Variants in CHRNA1 observed in about 807,000 individuals in gnomAD.
The protein encoded by CHRNA1 is acetylcholine receptor subunit alpha.
A neutral mutation model predicts 47.1 loss-of-function variants in CHRNA1; 35 were observed. The ratio of observed to expected loss-of-function variants is 0.74; its 90% CI spans 0.57 to 0.99. The LOEUF (loss-of-function observed/expected upper bound fraction) is 0.99. Ranked by LOEUF, CHRNA1 falls within the 50% of genes least tolerant of loss-of-function variation. The probability of loss-of-function intolerance (pLI) is 0.00; values close to 1 mark genes in which losing one functional copy is unlikely to be tolerated. For missense variants in CHRNA1, 506 were observed against 591.1 expected (o/e 0.86, Z 1.49); for synonymous variants, 229 against 223.6 (o/e 1.02, Z -0.22).
chr2:174,763,968 A>T (rs906019959), intron 1 of CHRNA1, among the ~76,000 whole-genome samples: 5 of 152,126 alleles, frequency 3.3e-5, no homozygotes, highest in Admixed American at 2.0e-4. Flanking sequence ...TGTGATTATA[A>T]GGCACTGTTC....
In CHRNA1 at chr2:174,748,792, T is replaced by A; in HGVS notation, c.1030A>T (p.Met344Leu). 6.2e-7 allele frequency: 1 copy of A among 1,614,158 alleles called. No individual in the cohort carries two copies. The highest frequency in any genetic ancestry group is 8.5e-7 in the Non-Finnish European group (1 of 1,180,020). ...GGTCTTTTCATTGTGGAGAAAAACA[T>A]GATATTTGGGATAGTGTCGATAAAA... ...KVFIDTIPNI[M>L]FFSTMKRPSR... is the part of the protein sequence containing the mutation. The change falls in exon 8 of 9, where the codon ATG (methionine) becomes TTG (leucine). Residue 344 changes from methionine to leucine, a missense_variant. Coordinates refer to ENST00000348749, the MANE Select transcript of CHRNA1 (RefSeq NM_000079.4).
chr2:174,750,968 T>A (rs1053991861), intron 6 of CHRNA1, among the ~76,000 whole-genome samples: 1 of 152,064 alleles, frequency 6.6e-6, no homozygotes, highest in African/African-American at 2.4e-5. Context: ...AGTACACATA[T>A]CTTTCTGTTA....
rs756006671 is a variant in CHRNA1 at position 174,748,616 on chromosome 2, G to A, written c.1206C>T (p.Ile402=). ...CCTGGTCTGACTTCATGGTCTCTGCGATGTACTTGATGCCCTCGATGGCAC... is the reference window on the plus strand; with the variant it reads ...CCTGGTCTGACTTCATGGTCTCTGCAATGTACTTGATGCCCTCGATGGCAC... The part of the protein sequence containing the change: ...VKSAIEGIKY[I]AETMKSDQES... The change falls in exon 8 of 9, where the codon ATC becomes ATT. Residue 402 remains isoleucine (I), a synonymous_variant. Coordinates refer to ENST00000348749, the MANE Select transcript of CHRNA1 (RefSeq NM_000079.4). 4.3e-6 allele frequency: 7 copies of A among 1,613,852 alleles called. No individual in the cohort carries two copies. Among genetic ancestry groups the A allele is most frequent in the Non-Finnish European group, 3.4e-6 (4 of 1,179,864 alleles).
intron 8 of CHRNA1, 144 bp from the exon 9 acceptor site, chr2:174,748,399 T>A: frequency 7.1e-7 from 1 of 1,407,272 alleles, no homozygotes; most frequent in Non-Finnish European, 9.6e-7. Flanking sequence ...CTTTATTTTT[T>A]GAATAGATTA....
At chr2:174,752,064 T>TA (rs1486703151) in intron 6 of CHRNA1, among the ~76,000 whole-genome samples, 14 of 152,140 alleles carry the variant, frequency 9.2e-5, no homozygotes, top group African/African-American at 3.1e-4. Context: ...GTTTTTATTT[T>TA]AAAAAGTTTC....
chr2:174,748,085 T>A lies in CHRNA1; in HGVS notation c.*39A>T. 6.2e-7 allele frequency: 1 copy of A among 1,612,710 alleles called. No individual in the cohort carries two copies. Among genetic ancestry groups the A allele is most frequent in the African/African-American group, 1.3e-5 (1 of 75,018 alleles). On this transcript the variant is annotated 3_prime_UTR_variant, in exon 9 of 9. Coordinates refer to ENST00000348749, the MANE Select transcript of CHRNA1 (RefSeq NM_000079.4). ...CCTCTCCTGCCCTTCTCTGCTCTGG[T>A]AGGTTCCAGGGCAGAGCTAAGCTCA...
At chr2:174,752,720 T>G (rs1231593755) in intron 6 of CHRNA1, 2 of 151,744 alleles carry the variant, frequency 1.3e-5, no homozygotes, top group Non-Finnish European at 2.9e-5. Context: ...ATAATCTTTT[T>G]TCCTAGTTGG....
At chr2:174,759,775 C>CA in intron 1 of CHRNA1, 142 bp from the exon 2 acceptor site, 1 of 1,087,846 alleles carries the variant, frequency 9.2e-7, no homozygotes, top group South Asian at 1.4e-5. Flanking sequence ...GAAAGGCTCC[C>CA]AAATGCAGCA....
At chr2:174,752,021 G>T (rs1358256208) in intron 6 of CHRNA1, among the ~76,000 whole-genome samples, 1 of 151,862 alleles carries the variant, frequency 6.6e-6, no homozygotes, top group Non-Finnish European at 1.5e-5. Flanking sequence ...CGTTTATAGA[G>T]ACTCTTGTTA....
At chr2:174,759,239 T>C (rs1574011214) in intron 3 of CHRNA1, 92 bp downstream of exon 3, 4 of 1,282,886 alleles carry the variant, frequency 3.1e-6, no homozygotes, top group Non-Finnish European at 4.5e-6. Context: ...TTTTGGTATA[T>C]ATCCCTGTTA....
chr2:174,752,240 GA>G lies in CHRNA1; in HGVS notation c.778+1262del, dbSNP rs539128539. ...AATGTAAAAAAGTTTCATTTGATTA[GA>G]AAGTTGAAAGAATTGTGTTTGTGAT... On this transcript the variant is annotated intron_variant, in intron 6 of 8. Transcript: ENST00000348749. Among the ~76,000 whole-genome samples, 454 of 151,826 alleles carry G rather than the reference GA, an allele frequency of 3.0e-3. 2 individuals carry two copies. Among genetic ancestry groups the G allele is most frequent in the Non-Finnish European group, 1.8e-3 (122 of 67,962 alleles).
At chr2:174,758,520 A>G (rs573468818) in intron 3 of CHRNA1, among the ~76,000 whole-genome samples, 19 of 152,358 alleles carry the variant, frequency 1.2e-4, no homozygotes, top group Middle Eastern at 3.4e-3. Flanking sequence ...CACTCAGGAA[A>G]TGTTCACTGG....
Position 174,754,882 on chromosome 2 carries a change from CT to C in CHRNA1, c.345-469del, listed in dbSNP as rs34233623. 8.3e-3 allele frequency among the ~76,000 whole-genome samples: 1,002 copies of C among 120,386 alleles called. 3 individuals are homozygous for C. Among genetic ancestry groups the C allele is most frequent in the Middle Eastern group, 0.019 (4 of 210 alleles). 79.0% of individuals were successfully genotyped at this position (120,386 alleles called of 152,430 possible). A position where few individuals can be genotyped will look rare whatever the true frequency, so the allele number is the denominator to read the frequency against. On this transcript the variant is annotated intron_variant, in intron 4 of 8. Transcript: ENST00000348749. Reference sequence around the variant, plus strand: ...CAGGTTAGGGAAGGGGCCTACTACTCTTTTTTTTTTTTTTTTTTTTTGAGAT... The same window carrying C: ...CAGGTTAGGGAAGGGGCCTACTACTCTTTTTTTTTTTTTTTTTTTTGAGAT...
chr2:174,753,851 C>T (rs1683913206), intron 5 of CHRNA1, 111 bp from the exon 6 acceptor site: 1 of 1,012,002 alleles, frequency 9.9e-7, no homozygotes, highest in Non-Finnish European at 1.5e-6. Context: ...GGGTCACACA[C>T]CCAGGAGGGA....
chr2:174,762,352 A>T (rs1307392139), intron 1 of CHRNA1, among the ~76,000 whole-genome samples: 2 of 152,250 alleles, frequency 1.3e-5, no homozygotes, highest in Non-Finnish European at 2.9e-5. Context: ...ATACTTTTGT[A>T]AAAAGGTAGG....
At chr2:174,757,977 C>T in intron 3 of CHRNA1, 4 of 1,609,878 alleles carry the variant, frequency 2.5e-6, no homozygotes, top group Non-Finnish European at 3.4e-6. Flanking sequence ...CAAAGGAACT[C>T]CCAAAGTCAC....
intron 1 of CHRNA1, 100 bp from the exon 2 acceptor site, chr2:174,759,733 C>T (rs1684062711): frequency 1.3e-6 from 2 of 1,503,492 alleles, no homozygotes; most frequent in Admixed American, 3.7e-5. Flanking sequence ...GCCTCAGTTC[C>T]TTCTAACAGA....
At chr2:174,753,834 G>T (rs1574006872) in intron 5 of CHRNA1, 94 bp from the exon 6 acceptor site, 1 of 1,176,858 alleles carries the variant, frequency 8.5e-7, no homozygotes, top group Non-Finnish European at 1.2e-6. Flanking sequence ...ACAGATTCCA[G>T]CTCTGTGGGT....
chr2:174,755,181 G>C (rs568748144), intron 4 of CHRNA1, among the ~76,000 whole-genome samples: 1 of 152,074 alleles, frequency 6.6e-6, no homozygotes, highest in Admixed American at 6.6e-5. Context: ...CACCGTGCCT[G>C]ACTGGCCTAC....
Sources: allele counts gnomAD v4.1 joint callset (sites outside exome capture counted in the v4.1 genomes callset), GRCh38; gene constraint gnomAD v4.1.1; transcripts MANE v1.5; gene names NCBI Gene and HGNC (gene_info 2026-07-23, HGNC 2026-07-21).